Variants in SASH1 observed in about 807,000 individuals in gnomAD.
SASH1 encodes SAM and SH3 domain containing 1.
A neutral mutation model predicts 125.2 loss-of-function variants in SASH1; 44 were observed. That is an observed-to-expected ratio of 0.35 (90% CI 0.28 to 0.45). SASH1 has a LOEUF of 0.45. SASH1 is among the 20% of genes least tolerant of loss of function. The probability of loss-of-function intolerance (pLI) is 1.00; values close to 1 mark genes in which losing one functional copy is unlikely to be tolerated. For synonymous variants in SASH1, 639 were observed against 649.1 expected (o/e 0.98, Z 0.24); for missense variants, 1,426 against 1,614.5 (o/e 0.88, Z 2.00).
intron 1 of SASH1, among the ~76,000 whole-genome samples, chr6:148,289,402 A>G (rs1374653818): frequency 6.6e-6 from 1 of 152,226 alleles, no homozygotes; most frequent in Non-Finnish European, 1.5e-5. Flanking sequence ...CACGATCTCC[A>G]GCCTACAGCC....
upstream of SASH1, among the ~76,000 whole-genome samples, chr6:148,271,169 C>G (rs903888957): frequency 4.6e-5 from 7 of 152,218 alleles, no homozygotes; most frequent in Middle Eastern, 0.01. Context: ...CTTGGCTTCC[C>G]AAAGTGCTGG....
At chr6:148,427,925 A>G (rs956258991) in intron 2 of SASH1, among the ~76,000 whole-genome samples, 1 of 152,206 alleles carries the variant, frequency 6.6e-6, no homozygotes, top group African/African-American at 2.4e-5. Flanking sequence ...CCAATGTGAA[A>G]GCATTTCCAG....
At chr6:148,301,887 G>A (rs1292311987) in intron 1 of SASH1, among the ~76,000 whole-genome samples, 3 of 150,182 alleles carry the variant, frequency 2.0e-5, no homozygotes, top group Non-Finnish European at 3.0e-5. Context: ...ATGAGCCACC[G>A]CACCCAACCT....
At chr6:148,520,042 A>G in intron 10 of SASH1, 149 bp downstream of exon 10, 1 of 629,450 alleles carries the variant, frequency 1.6e-6, no homozygotes, top group East Asian at 2.8e-5. Context: ...TTTCTCTGCC[A>G]GCGTCCCTCC....
chr6:148,457,507 A>G (rs1777415583), intron 4 of SASH1, among the ~76,000 whole-genome samples: 1 of 152,136 alleles, frequency 6.6e-6, no homozygotes, highest in Non-Finnish European at 1.5e-5. Flanking sequence ...ACCTTGGACA[A>G]GTCACTTATA....
chr6:148,286,630 T>C (rs1779489648), intron 1 of SASH1, among the ~76,000 whole-genome samples: 1 of 152,138 alleles, frequency 6.6e-6, no homozygotes, highest in Non-Finnish European at 1.5e-5. Context: ...CAGTGTCTTC[T>C]CATAGCCATC....
intron 1 of SASH1, among the ~76,000 whole-genome samples, chr6:148,313,193 A>G (rs2128519239): frequency 6.6e-6 from 1 of 152,294 alleles, no homozygotes. Flanking sequence ...TGATGTCCTG[A>G]TTTGGACATA....
chr6:148,446,526 C>G (rs900768697), intron 4 of SASH1, among the ~76,000 whole-genome samples: 6 of 152,102 alleles, frequency 3.9e-5, no homozygotes, highest in South Asian at 2.1e-4. Context: ...TGAAAATTAC[C>G]TAGATGTCTG....
At chr6:148,317,754 A>G (rs1187931035) in intron 1 of SASH1, among the ~76,000 whole-genome samples, 2 of 150,348 alleles carry the variant, frequency 1.3e-5, no homozygotes, top group Non-Finnish European at 1.5e-5. Flanking sequence ...GGGACTCCCA[A>G]CATCTTGCTT....
chr6:148,534,619 A>ATACT (rs1373171586), intron 15 of SASH1, 132 bp from the exon 16 acceptor site: 12 of 871,456 alleles, frequency 1.4e-5, no homozygotes, highest in African/African-American at 5.0e-5. Flanking sequence ...ATTGCAAATG[A>ATACT]TACTTACTAA....
At chr6:148,283,053 A>T (rs903523793) in intron 1 of SASH1, among the ~76,000 whole-genome samples, 2 of 152,150 alleles carry the variant, frequency 1.3e-5, no homozygotes, top group South Asian at 2.1e-4. Context: ...TCCCAATTTC[A>T]TCTGGGGACT....
the SASH1 span, among the ~76,000 whole-genome samples, chr6:148,194,698 G>T: frequency 6.6e-6 from 1 of 152,246 alleles, no homozygotes; most frequent in Non-Finnish European, 1.5e-5. Context: ...ACGAGGTCAG[G>T]AGATCGAGAC....
In SASH1 at chr6:148,524,120, TA is replaced by T. The variant is rs66857655; in HGVS notation, c.1210-1170del. Among the ~76,000 whole-genome samples, 165 of 118,524 alleles carry T rather than the reference TA, an allele frequency of 1.4e-3. 4 individuals are homozygous for T. Among genetic ancestry groups the T allele is most frequent in the South Asian group, 5.2e-3 (20 of 3,828 alleles). The allele number at this position is 118,524 out of a possible 152,430, so 77.8% of individuals were successfully genotyped here. The stretch of plus-strand genomic sequence containing the variant: ...AATTATATATATATATATATATATA[TA>T]TTTTTTTTAATGAATAAGCAATGCT... On this transcript the variant is annotated intron_variant, in intron 10 of 19. Coordinates refer to ENST00000367467, the MANE Select transcript of SASH1 (RefSeq NM_015278.5).
chr6:148,385,886 A>G (rs1406693273), intron 1 of SASH1, among the ~76,000 whole-genome samples: 3 of 152,180 alleles, frequency 2.0e-5, no homozygotes, highest in Non-Finnish European at 4.4e-5. Flanking sequence ...AAGTCAGTAA[A>G]TGTAAGTATA....
At chr6:148,457,863 C>T (rs1320486587) in intron 4 of SASH1, among the ~76,000 whole-genome samples, 6 of 152,128 alleles carry the variant, frequency 3.9e-5, no homozygotes, top group Non-Finnish European at 1.5e-5. Flanking sequence ...AGAATGTGTG[C>T]CAGCAAAGGG....
intron 2 of SASH1, among the ~76,000 whole-genome samples, chr6:148,401,436 G>T (rs936042971): frequency 6.6e-6 from 1 of 151,974 alleles, no homozygotes; most frequent in Non-Finnish European, 1.5e-5. Context: ...AGAAAATTAA[G>T]TTGTTGCTTT....
chr6:148,396,483 A>G (rs946450575), intron 2 of SASH1, among the ~76,000 whole-genome samples: 2 of 148,726 alleles, frequency 1.3e-5, no homozygotes, highest in African/African-American at 5.1e-5. Flanking sequence ...TCTCAGAAAA[A>G]AAAAAAAAAA....
the SASH1 span, among the ~76,000 whole-genome samples, chr6:148,238,213 C>T: frequency 0.96 from 146,774 of 152,192 alleles, 70,821 homozygotes; most frequent in East Asian, 1. Flanking sequence ...ATAGTACTTA[C>T]TTTATTTTAT....
chr6:148,272,940 GTCTTT>G (rs1779098445), intron 1 of SASH1, among the ~76,000 whole-genome samples: 1 of 152,144 alleles, frequency 6.6e-6, no homozygotes, highest in East Asian at 1.9e-4. Context: ...GATTGTGAAG[GTCTTT>G]TCTTTTTTAA....
Sources: allele counts gnomAD v4.1 joint callset (sites outside exome capture counted in the v4.1 genomes callset), GRCh38; gene constraint gnomAD v4.1.1; transcripts MANE v1.5; gene names NCBI Gene and HGNC (gene_info 2026-07-23, HGNC 2026-07-21).